Variants in HS3ST5 observed in about 807,000 individuals in gnomAD.
HS3ST5 encodes heparan sulfate glucosamine 3-O-sulfotransferase 5.
Under a neutral mutation model 25.4 loss-of-function variants are expected in HS3ST5, and 10 were observed. The observed-to-expected ratio is 0.39, with a 90% CI of 0.24 to 0.67. The LOEUF is 0.67. Among genes scored for constraint, HS3ST5 ranks in the 30% least tolerant of loss-of-function variants. The pLI is 0.44. For missense variants in HS3ST5, 324 were observed against 420.7 expected (o/e 0.77, Z 2.01); for synonymous variants, 170 against 162.4 (o/e 1.05, Z -0.36).
chr6:114,175,752 T>C (rs1172661089), intron 2 of HS3ST5, among the ~76,000 whole-genome samples: 1 of 152,202 alleles, frequency 6.6e-6, no homozygotes, highest in Non-Finnish European at 1.5e-5. Flanking sequence ...TTACAGAATG[T>C]TATCGTCCAC....
At chr6:114,326,072 A>G (rs1402780124) in intron 1 of HS3ST5, among the ~76,000 whole-genome samples, 1 of 152,136 alleles carries the variant, frequency 6.6e-6, no homozygotes, top group Non-Finnish European at 1.5e-5. Flanking sequence ...GACTCCTTGA[A>G]GCCAGAGGAC....
intron 3 of HS3ST5, among the ~76,000 whole-genome samples, chr6:114,087,449 CTGTT>C (rs1365811264): frequency 6.6e-6 from 1 of 152,148 alleles, no homozygotes; most frequent in African/African-American, 2.4e-5. Flanking sequence ...CTTTTGCCCT[CTGTT>C]GTGTAATTGC....
At chr6:114,267,628 T>C (rs1220747599) in intron 1 of HS3ST5, among the ~76,000 whole-genome samples, 1 of 152,164 alleles carries the variant, frequency 6.6e-6, no homozygotes, top group Non-Finnish European at 1.5e-5. Flanking sequence ...GGTAGGGATT[T>C]TGAACAGAGG....
intron 2 of HS3ST5, among the ~76,000 whole-genome samples, chr6:114,196,941 A>T (rs906801406): frequency 1.3e-5 from 2 of 152,134 alleles, no homozygotes; most frequent in East Asian, 3.8e-4. Context: ...TGAAGGGTAA[A>T]GAAGTAAAGA....
intron 3 of HS3ST5, among the ~76,000 whole-genome samples, chr6:114,071,857 T>C (rs1355880805): frequency 6.6e-6 from 1 of 152,230 alleles, no homozygotes; most frequent in Non-Finnish European, 1.5e-5. Flanking sequence ...TTTGTCTCTA[T>C]AGAAGCACAT....
intron 4 of HS3ST5, chr6:114,059,261 G>A (rs538939360): frequency 2.0e-5 from 3 of 152,274 alleles, no homozygotes; most frequent in East Asian, 3.9e-4. Flanking sequence ...TGATCTGTGA[G>A]GGCATTTTAG....
At chr6:114,194,034 T>C (rs1208429206) in intron 2 of HS3ST5, among the ~76,000 whole-genome samples, 4 of 152,198 alleles carry the variant, frequency 2.6e-5, no homozygotes, top group African/African-American at 9.7e-5. Flanking sequence ...CTTATGTACA[T>C]ACTTTAGGAG....
At chr6:114,313,662 T>G (rs1335031250) in intron 1 of HS3ST5, among the ~76,000 whole-genome samples, 1 of 152,158 alleles carries the variant, frequency 6.6e-6, no homozygotes, top group Non-Finnish European at 1.5e-5. Flanking sequence ...GTGGTGGGAA[T>G]TGCCTGCAAA....
Position 114,056,415 on chromosome 6 carries a change from AG to A in HS3ST5, c.*841del, listed in dbSNP as rs1433228247. The A allele has an allele frequency of 6.6e-6, 1 of 150,916 alleles. No homozygotes were observed. Among genetic ancestry groups the A allele is most frequent in the East Asian group, 1.9e-4 (1 of 5,148 alleles). The allele number at this position is 150,916 out of a possible 1,614,324, so 9.3% of individuals were successfully genotyped here. ...AACAGCTTCCATTTTGGAAGCCAGCAGGGGGCACGTAAAACAAAATGAGTAA... is the reference window on the plus strand; with the variant it reads ...AACAGCTTCCATTTTGGAAGCCAGCAGGGGCACGTAAAACAAAATGAGTAA... On this transcript the variant is annotated 3_prime_UTR_variant, in exon 5 of 5. Coordinates refer to ENST00000312719, the MANE Select transcript of HS3ST5 (RefSeq NM_153612.4).
chr6:114,072,755 C>T (rs1372494659), intron 3 of HS3ST5, among the ~76,000 whole-genome samples: 1 of 152,168 alleles, frequency 6.6e-6, no homozygotes, highest in Non-Finnish European at 1.5e-5. Context: ...CCCCATCAAG[C>T]TACCAATAAC....
intron 1 of HS3ST5, among the ~76,000 whole-genome samples, chr6:114,306,256 T>TATACAC (rs756494412): frequency 1.0e-3 from 117 of 115,396 alleles, no homozygotes; most frequent in African/African-American, 3.5e-3. Context: ...TATATATATA[T>TATACAC]ACACACACAC....
At chr6:114,132,520 T>C (rs1245848774) in intron 3 of HS3ST5, among the ~76,000 whole-genome samples, 3 of 152,180 alleles carry the variant, frequency 2.0e-5, no homozygotes, top group African/African-American at 4.8e-5. Context: ...TTTCCAGAAA[T>C]GTGCTCCTGG....
chr6:114,256,475 A>G (rs1472444865), intron 1 of HS3ST5, among the ~76,000 whole-genome samples: 4 of 152,098 alleles, frequency 2.6e-5, no homozygotes, highest in Admixed American at 6.6e-5. Flanking sequence ...CTGCTTAGAA[A>G]TTTCTTCTGA....
At chr6:114,270,206 A>G (rs1400146123) in intron 1 of HS3ST5, among the ~76,000 whole-genome samples, 1 of 152,206 alleles carries the variant, frequency 6.6e-6, no homozygotes, top group African/African-American at 2.4e-5. Flanking sequence ...CAGCTTAATG[A>G]GGCAGACTGC....
At chr6:114,088,387 G>A (rs1031542992) in intron 3 of HS3ST5, among the ~76,000 whole-genome samples, 3 of 149,614 alleles carry the variant, frequency 2.0e-5, no homozygotes, top group Non-Finnish European at 3.0e-5. Context: ...TTTCCTGGAT[G>A]ATCTTCTCTT....
intron 1 of HS3ST5, among the ~76,000 whole-genome samples, chr6:114,268,211 T>C (rs1300089889): frequency 6.6e-6 from 1 of 152,158 alleles, no homozygotes; most frequent in Non-Finnish European, 1.5e-5. Context: ...TTTCCACTCC[T>C]CCACAATGCA....
intron 3 of HS3ST5, among the ~76,000 whole-genome samples, chr6:114,130,598 C>G (rs1252093991): frequency 6.6e-6 from 1 of 152,006 alleles, no homozygotes; most frequent in Non-Finnish European, 1.5e-5. Context: ...GAGACGGAGT[C>G]TTGCTCTGTT....
intron 1 of HS3ST5, among the ~76,000 whole-genome samples, chr6:114,295,534 A>G (rs928478004): frequency 6.6e-6 from 1 of 152,216 alleles, no homozygotes; most frequent in African/African-American, 2.4e-5. Flanking sequence ...AGCTATATAT[A>G]AGAAACTGAC....
chr6:114,195,183 C>T (rs1780678899), intron 2 of HS3ST5, among the ~76,000 whole-genome samples: 1 of 152,164 alleles, frequency 6.6e-6, no homozygotes, highest in African/African-American at 2.4e-5. Flanking sequence ...TTAGAGGGAG[C>T]TAGTTCCCCA....
Sources: allele counts gnomAD v4.1 joint callset (sites outside exome capture counted in the v4.1 genomes callset), GRCh38; gene constraint gnomAD v4.1.1; transcripts MANE v1.5; gene names NCBI Gene and HGNC (gene_info 2026-07-23, HGNC 2026-07-21).